Variants in TEAD1 observed in about 807,000 individuals in gnomAD.
TEAD1 encodes TEA domain transcription factor 1.
Under a neutral mutation model 54.9 loss-of-function variants are expected in TEAD1, and 9 were observed. The observed-to-expected ratio is 0.16, with a 90% CI of 0.10 to 0.29. TEAD1 has a LOEUF of 0.29. Ranked by LOEUF, TEAD1 falls within the 10% of genes least tolerant of loss-of-function variation. The pLI, the probability that TEAD1 is intolerant of heterozygous loss-of-function variation, is 1.00. For synonymous variants in TEAD1, 200 were observed against 187.8 expected (o/e 1.07, Z -0.53); for missense variants, 387 against 535.9 (o/e 0.72, Z 2.74).
rs191901932 is a variant in TEAD1, at chr11:12,832,060, G to A, written c.203-30190G>A. 1.2e-4 allele frequency among the ~76,000 whole-genome samples: 19 copies of A among 152,108 alleles called. No homozygotes were observed. The East Asian group carries it at 3.5e-3, about 28-fold the overall frequency. On this transcript the variant is annotated intron_variant, in intron 3 of 12. Coordinates refer to ENST00000527636, the MANE Select transcript of TEAD1 (RefSeq NM_021961.6). ...GTGGCAGACCTCAGATTCACACCAC[G>A]TCTCTGACTCCCAATAAACCACACT...
chr11:12,902,665 C>G (rs760672794), intron 10 of TEAD1, among the ~76,000 whole-genome samples: 1 of 152,096 alleles, frequency 6.6e-6, no homozygotes, highest in Non-Finnish European at 1.5e-5. Context: ...GCTAGCGCTG[C>G]GAGTTTATGA....
At chr11:12,855,028 A>G (rs1470643778) in intron 3 of TEAD1, among the ~76,000 whole-genome samples, 1 of 152,188 alleles carries the variant, frequency 6.6e-6, no homozygotes, top group East Asian at 1.9e-4. Flanking sequence ...TGCTGGGACA[A>G]GTTGCTATGG....
intron 3 of TEAD1, among the ~76,000 whole-genome samples, chr11:12,820,000 G>T (rs57774190): frequency 0.032 from 4,820 of 150,698 alleles, 292 homozygotes; most frequent in African/African-American, 0.11. Flanking sequence ...GGCAGAGACT[G>T]GGTGGTTGGA....
chr11:12,686,344 GC>G (rs1943333402), intron 2 of TEAD1, among the ~76,000 whole-genome samples: 1 of 152,086 alleles, frequency 6.6e-6, no homozygotes, highest in Non-Finnish European at 1.5e-5. Flanking sequence ...CATTTCTGAG[GC>G]CACAGCTACA....
At position 12,848,829 on chromosome 11, in the gene TEAD1, A is replaced by C. The variant is rs1175960136; in HGVS notation, c.203-13421A>C. On this transcript the variant is annotated intron_variant, in intron 3 of 12. Transcript: ENST00000527636. ...GCTGCGTATAGTGGCACACGTCTGT[A>C]GTCCTAGCTACTCAGGAGACTGAGG... 2.6e-5 allele frequency: 4 copies of C among 152,072 alleles called. No homozygotes were observed. The East Asian group carries it at 7.7e-4, about 29-fold the overall frequency. 9.4% of individuals were successfully genotyped at this position (152,072 alleles called of 1,614,324 possible).
intron 10 of TEAD1, among the ~76,000 whole-genome samples, chr11:12,910,772 A>G (rs1589981613): frequency 1.1e-5 from 1 of 89,608 alleles, no homozygotes; most frequent in Non-Finnish European, 2.4e-5. Flanking sequence ...TTTGAGATGG[A>G]GTCTCGCTCT....
At chr11:12,862,176 T>C in intron 3 of TEAD1, 74 bp from the exon 4 acceptor site, 1 of 1,236,072 alleles carries the variant, frequency 8.1e-7, no homozygotes, top group Admixed American at 1.8e-5. Context: ...CTGAATTTTG[T>C]TTTTTGCTTT....
At chr11:12,918,845 G>A (rs7130663) in intron 10 of TEAD1, among the ~76,000 whole-genome samples, 30,387 of 152,124 alleles carry the variant, frequency 0.2, 3,443 homozygotes, top group East Asian at 0.4. Context: ...ACATGGTTGA[G>A]TCTCACAAAT....
At chr11:12,792,596 G>A (rs958779215) in intron 3 of TEAD1, among the ~76,000 whole-genome samples, 1 of 152,196 alleles carries the variant, frequency 6.6e-6, no homozygotes, top group Non-Finnish European at 1.5e-5. Context: ...GTCTGGATAT[G>A]TACAGCCTAG....
chr11:12,805,568 T>G (rs2133981006), intron 3 of TEAD1, among the ~76,000 whole-genome samples: 1 of 152,348 alleles, frequency 6.6e-6, no homozygotes, highest in Middle Eastern at 3.4e-3. Context: ...GGGCCTTAGG[T>G]CTACCCATAT....
intron 2 of TEAD1, among the ~76,000 whole-genome samples, chr11:12,719,931 T>A (rs1005264407): frequency 1.5e-5 from 2 of 133,430 alleles, no homozygotes; most frequent in African/African-American, 5.3e-5. Flanking sequence ...CAAACCGGCG[T>A]GTGTTTGGAA....
intron 9 of TEAD1, among the ~76,000 whole-genome samples, chr11:12,896,091 G>C (rs904440578): frequency 6.6e-6 from 1 of 151,870 alleles, no homozygotes; most frequent in East Asian, 1.9e-4. Context: ...TGCACACAGC[G>C]TGGTTAATGT....
At chr11:12,882,066 A>C in intron 8 of TEAD1, 109 bp downstream of exon 8, 1 of 1,206,564 alleles carries the variant, frequency 8.3e-7, no homozygotes, top group South Asian at 1.2e-5. Context: ...CCACAGCCGC[A>C]CATTGCCCCT....
In TEAD1 at chr11:12,855,609, T is replaced by TAAA. The variant is rs1947361137; in HGVS notation, c.203-6639_203-6637dup. The stretch of plus-strand genomic sequence containing the variant: ...GACCAGGTTGTTGGCTTTCATATCC[T>TAAA]AAAATATTTTTTTCCTTTTGATGAA... On this transcript the variant is annotated intron_variant, in intron 3 of 12. Transcript: ENST00000527636. Among the ~76,000 whole-genome samples the TAAA allele has an allele frequency of 2.6e-5, 4 of 151,238 alleles. No homozygotes were observed. The South Asian group carries it at 8.5e-4, about 32-fold the overall frequency.
intron 3 of TEAD1, among the ~76,000 whole-genome samples, chr11:12,814,086 C>T (rs549142271): frequency 9.1e-4 from 138 of 152,326 alleles, no homozygotes; most frequent in South Asian, 1.9e-3. Flanking sequence ...CCTTCACCTC[C>T]TGCTTGCTGC....
At chr11:12,699,873 C>CT (rs1462332559) in intron 2 of TEAD1, among the ~76,000 whole-genome samples, 3 of 152,158 alleles carry the variant, frequency 2.0e-5, no homozygotes, top group Non-Finnish European at 4.4e-5. Flanking sequence ...ATTGTGCAGT[C>CT]TTTTGGGGGA....
At chr11:12,921,121 A>G (rs1948797265) in intron 10 of TEAD1, 1 of 152,252 alleles carries the variant, frequency 6.6e-6, no homozygotes, top group African/African-American at 2.4e-5. Flanking sequence ...CTGAAAGGAC[A>G]CTTGAGAAAT....
chr11:12,768,206 G>T (rs1461553892), intron 3 of TEAD1, among the ~76,000 whole-genome samples: 5 of 152,142 alleles, frequency 3.3e-5, no homozygotes, highest in Non-Finnish European at 7.4e-5. Flanking sequence ...TGCACTTCTA[G>T]ATATCAGATT....
At chr11:12,705,967 T>G (rs1943805886) in intron 2 of TEAD1, among the ~76,000 whole-genome samples, 1 of 152,212 alleles carries the variant, frequency 6.6e-6, no homozygotes. Flanking sequence ...TTTGTGTGTC[T>G]TGCTCAATTT....
Sources: allele counts gnomAD v4.1 joint callset (sites outside exome capture counted in the v4.1 genomes callset), GRCh38; gene constraint gnomAD v4.1.1; transcripts MANE v1.5; gene names NCBI Gene and HGNC (gene_info 2026-07-23, HGNC 2026-07-21).